SLCO4A1: variants seen among roughly 807,000 people sequenced by gnomAD.
The protein encoded by SLCO4A1 is colon organic anion transporter.
A neutral mutation model predicts 64.6 loss-of-function variants in SLCO4A1; 51 were observed. The ratio of observed to expected loss-of-function variants is 0.79; its 90% CI spans 0.63 to 1.00. The LOEUF is 1.00. Ranked by LOEUF, SLCO4A1 falls within the 50% of genes least tolerant of loss-of-function variation. SLCO4A1 has a pLI of 0.00. For missense variants in SLCO4A1, 919 were observed against 980.5 expected (o/e 0.94, Z 0.84); for synonymous variants, 471 against 444.9 (o/e 1.06, Z -0.74).
At chr20:62,666,911 TA>T (rs1037358125) in intron 7 of SLCO4A1, among the ~76,000 whole-genome samples, 1 of 151,634 alleles carries the variant, frequency 6.6e-6, no homozygotes, top group African/African-American at 2.4e-5. Context: ...CTCGGTGACA[TA>T]AAAAGTGTCC....
rs763545059 is a variant in SLCO4A1, at chr20:62,670,472, C to T, written c.2026-1278C>T. 6.1e-4 allele frequency among the ~76,000 whole-genome samples: 93 copies of T among 152,226 alleles called. 1 individual carries two copies. Among genetic ancestry groups the T allele is most frequent in the East Asian group, 3.8e-4 (2 of 5,200 alleles). On this transcript the variant is annotated intron_variant, in intron 11 of 11. Coordinates refer to ENST00000217159, the MANE Select transcript of SLCO4A1 (RefSeq NM_016354.4). ...TGGCCCCAAAGCACCGGAGCACTCA[C>T]GCCGCCGTTCAGCTCTGCCAATGGG... is the stretch of plus-strand genomic sequence containing the variant.
At chr20:62,671,722 G>A (rs372411994) in intron 11 of SLCO4A1, 28 bp from the exon 12 acceptor site, 126 of 1,603,984 alleles carry the variant, frequency 7.9e-5, no homozygotes, top group African/African-American at 1.3e-4. Context: ...AGCTCCCCAC[G>A]AGGTCCAGCG....
At chr20:62,676,236 G>C (rs527882181), downstream of SLCO4A1, among the ~76,000 whole-genome samples, 1 of 151,962 alleles carries the variant, frequency 6.6e-6, no homozygotes, top group South Asian at 2.1e-4. Flanking sequence ...GCAACGTAGC[G>C]AAACCCTGTC....
Position 62,657,211 on chromosome 20 carries a change from G to T in SLCO4A1, c.757G>T (p.Asp253Tyr), listed in dbSNP as rs1181249312. 1 of 1,543,272 alleles carries T rather than the reference G, an allele frequency of 6.5e-7. No homozygotes were observed. Among genetic ancestry groups the T allele is most frequent in the Admixed American group, 2.0e-5 (1 of 50,998 alleles). ...PLYTLGVTYL[D>Y]ENVKSSCSPV... ...CTACACGCTGGGCGTCACCTACCTG[G>T]ATGAGAACGTCAAGTCCAGCTGCTC... is the stretch of plus-strand genomic sequence containing the variant. The change falls in exon 2 of 12, where the codon GAT becomes TAT. Residue 253 changes from aspartate to tyrosine, a missense_variant. Physicochemically the swap from Asp to Tyr is radical, Grantham distance 160. Coordinates refer to ENST00000217159, the MANE Select transcript of SLCO4A1 (RefSeq NM_016354.4).
intron 10 of SLCO4A1, 82 bp from the exon 11 acceptor site, chr20:62,668,848 A>C: frequency 7.1e-7 from 1 of 1,406,758 alleles, no homozygotes; most frequent in Non-Finnish European, 9.6e-7. Flanking sequence ...AGAGCCCATC[A>C]TTCCAGGCCT....
chr20:62,653,592 C>T (rs1409897166), intron 1 of SLCO4A1, among the ~76,000 whole-genome samples: 4 of 152,208 alleles, frequency 2.6e-5, no homozygotes, highest in Non-Finnish European at 4.4e-5. Flanking sequence ...GCTGCGCCTC[C>T]GCTCCCACCC....
At chr20:62,657,965 C>A (rs1339708092) in intron 2 of SLCO4A1, among the ~76,000 whole-genome samples, 1 of 152,042 alleles carries the variant, frequency 6.6e-6, no homozygotes, top group Non-Finnish European at 1.5e-5. Flanking sequence ...GGGCCCCTCA[C>A]TGGCTTCCTG....
Position 62,657,222 on chromosome 20 carries a change from C to G in SLCO4A1, c.768C>G (p.Val256=), listed in dbSNP as rs1294049886. ...TLGVTYLDEN[V]KSSCSPVYIA... is the part of the protein sequence containing the mutation. ...GCGTCACCTACCTGGATGAGAACGT[C>G]AAGTCCAGCTGCTCGCCCGTCTACA... The change falls in exon 2 of 12, where the codon GTC becomes GTG. Residue 256 remains valine, a synonymous_variant. Transcript: ENST00000217159. The G allele has an allele frequency of 1.3e-6, 2 of 1,538,260 alleles. No homozygotes were observed. Among genetic ancestry groups the G allele is most frequent in the Non-Finnish European group, 1.8e-6 (2 of 1,137,684 alleles).
downstream of SLCO4A1, among the ~76,000 whole-genome samples, chr20:62,689,260 G>A (rs1030561026): frequency 5.0e-5 from 5 of 99,074 alleles, no homozygotes; most frequent in African/African-American, 2.3e-4. Flanking sequence ...GCTGTGTCCC[G>A]TTCCTCGCAG....
chr20:62,660,600 C>G, intron 4 of SLCO4A1, 67 bp downstream of exon 4: 2 of 1,539,440 alleles, frequency 1.3e-6, no homozygotes, highest in Non-Finnish European at 1.8e-6. Context: ...GCGAAGGGGG[C>G]ACCCCGTTTC....
At chr20:62,664,656 C>G (rs974828308) in intron 5 of SLCO4A1, among the ~76,000 whole-genome samples, 3 of 152,214 alleles carry the variant, frequency 2.0e-5, no homozygotes, top group Non-Finnish European at 4.4e-5. Flanking sequence ...CTGGCGCCCC[C>G]TGGGTTTCTC....
Position 62,661,637 on chromosome 20 carries a change from C to T in SLCO4A1, c.1121+462C>T, listed in dbSNP as rs1601646809. ...TCATCAGGTGTCACCTGTGCCGTAC[C>T]CCCCGGGCCCTGGGATGCTGCCCCC... On this transcript the variant is annotated intron_variant, in intron 5 of 11. Transcript: ENST00000217159. This position sits in a 1 kb window ranked among gnomAD's most constrained non-coding sequence, Gnocchi z 5.2. 1.3e-5 allele frequency among the ~76,000 whole-genome samples: 2 copies of T among 150,128 alleles called. No individual in the cohort carries two copies. Among genetic ancestry groups the T allele is most frequent in the South Asian group, 4.3e-4 (2 of 4,686 alleles).
Position 62,666,428 on chromosome 20 carries a change from T to G in SLCO4A1, c.1325T>G (p.Phe442Cys), listed in dbSNP as rs1489683253. Residue 442 changes from phenylalanine (F) to cysteine (C), a missense_variant, in exon 7 of 12, where the codon TTC becomes TGC. Phe to Cys is a radical substitution (Grantham distance 205, BLOSUM62 -2). Coordinates refer to ENST00000217159, the MANE Select transcript of SLCO4A1 (RefSeq NM_016354.4). ...GGTGGCGGCACCTTCCTGGGCGGCT[T>G]CTTTGTGAACAAGCTCAGGCTCCGG... is the stretch of plus-strand genomic sequence containing the variant. ...AGGGGTFLGG[F>C]FVNKLRLRGS... The G allele has an allele frequency of 6.2e-7, 1 of 1,612,952 alleles. No individual in the cohort carries two copies. The highest frequency in any genetic ancestry group is 2.2e-5 in the East Asian group (1 of 44,712).
At chr20:62,653,560 G>A (rs567194064) in intron 1 of SLCO4A1, among the ~76,000 whole-genome samples, 25 of 152,270 alleles carry the variant, frequency 1.6e-4, no homozygotes, top group Admixed American at 3.9e-4. Flanking sequence ...GTGTCCCCTC[G>A]CAGCCCCATG....
At position 62,645,456 on chromosome 20, in the gene SLCO4A1, G is replaced by A. The variant is rs930524535; in HGVS notation, c.-97+2903G>A. On this transcript the variant is annotated intron_variant, in intron 1 of 11. Transcript: ENST00000217159. This position sits in a 1 kb window ranked among gnomAD's most constrained non-coding sequence, Gnocchi z 4.2. ...CAGGCTACGGTGAGGGTGAGGGTGC[G>A]GGTGAGGATGAGGGTGCGGGTGAGG... is the stretch of plus-strand genomic sequence containing the variant. 6.1e-5 allele frequency among the ~76,000 whole-genome samples: 9 copies of A among 148,238 alleles called. No individual in the cohort carries two copies. Among genetic ancestry groups the A allele is most frequent in the Non-Finnish European group, 9.0e-5 (6 of 66,764 alleles).
At chr20:62,647,751 T>A (rs981946883) in intron 1 of SLCO4A1, among the ~76,000 whole-genome samples, 2 of 152,244 alleles carry the variant, frequency 1.3e-5, no homozygotes, top group African/African-American at 4.8e-5. Context: ...CTGTGTCAGC[T>A]GCCCACACAC....
intron 1 of SLCO4A1, among the ~76,000 whole-genome samples, chr20:62,643,703 G>A (rs539934438): frequency 5.6e-4 from 86 of 152,366 alleles, no homozygotes; most frequent in Admixed American, 1.6e-3. Context: ...TCCCAGCAGC[G>A]GGAGCAAATG....
chr20:62,647,310 C>T (rs984966214), intron 1 of SLCO4A1, among the ~76,000 whole-genome samples: 4 of 151,996 alleles, frequency 2.6e-5, no homozygotes, highest in Non-Finnish European at 5.9e-5. Flanking sequence ...GTGCTCAGGG[C>T]GGGGCTGGGT....
Position 62,661,041 on chromosome 20 carries a change from C to CCCCCCCCCCCCCCAACAAA in SLCO4A1, c.1010-23_1010-22insCCCCCCCCCCCCCAACAAA. Reference sequence around the variant, plus strand: ...TCCGGGAGCCCCCAGCCCCCAGCCCCAGCTCACTCTGTGCCCTTCCAGGCT... The same window carrying CCCCCCCCCCCCCCAACAAA: ...TCCGGGAGCCCCCAGCCCCCAGCCCCCCCCCCCCCCCCCAACAAAAGCTCACTCTGTGCCCTTCCAGGCT... On this transcript the variant is annotated intron_variant, in intron 4 of 11. Transcript: ENST00000217159. This position sits in a 1 kb window ranked among gnomAD's most constrained non-coding sequence, Gnocchi z 5.2. 1 of 1,424,144 alleles carries CCCCCCCCCCCCCCAACAAA rather than the reference C, an allele frequency of 7.0e-7. No individual in the cohort carries two copies. Among genetic ancestry groups the CCCCCCCCCCCCCCAACAAA allele is most frequent in the Non-Finnish European group, 9.9e-7 (1 of 1,010,142 alleles). The allele number at this position is 1,424,144 out of a possible 1,614,324, so 88.2% of individuals were successfully genotyped here.
Sources: gnomAD v4.1 joint callset for allele counts (sites outside exome capture counted in the v4.1 genomes callset) on GRCh38, gnomAD v4.1.1 for gene constraint, Gnocchi (gnomAD v3.1) non-coding constraint, MANE v1.5 for transcripts, NCBI Gene and HGNC (gene_info 2026-07-23, HGNC 2026-07-21) for gene names.